Variants in CDIN1 observed in about 807,000 individuals in gnomAD.
CDIN1 encodes CDAN1 interacting nuclease 1, also known as CDAN1-interacting nuclease 1.
A neutral mutation model predicts 45.3 loss-of-function variants in CDIN1; 33 were observed. The observed-to-expected ratio is 0.73, with a 90% CI of 0.55 to 0.97. The LOEUF (loss-of-function observed/expected upper bound fraction) is 0.97. Ranked by LOEUF, CDIN1 falls within the 50% of genes least tolerant of loss-of-function variation. CDIN1 has a pLI of 0.00. For synonymous variants in CDIN1, 118 were observed against 124.4 expected (o/e 0.95, Z 0.34); for missense variants, 303 against 339.4 (o/e 0.89, Z 0.84).
intron 10 of CDIN1, among the ~76,000 whole-genome samples, chr15:36,775,645 T>C (rs2054199736): frequency 6.6e-6 from 1 of 152,214 alleles, no homozygotes; most frequent in African/African-American, 2.4e-5. Context: ...GCCAAAGTCT[T>C]GATCCAATAG....
At chr15:36,788,104 ATATTTTTT>A (rs1198280961) in intron 10 of CDIN1, among the ~76,000 whole-genome samples, 4 of 34,466 alleles carry the variant, frequency 1.2e-4, no homozygotes, top group South Asian at 1.0e-3. Context: ...ATATATATAT[ATATTTTTT>A]TTTTTTTTTT....
At chr15:36,707,795 G>A (rs939971339) in intron 8 of CDIN1, 1 of 152,104 alleles carries the variant, frequency 6.6e-6, no homozygotes, top group Non-Finnish European at 1.5e-5. Flanking sequence ...TCTCATTGTG[G>A]TCAGAGTATA....
At chr15:36,673,659 A>G (rs1279374842) in intron 5 of CDIN1, among the ~76,000 whole-genome samples, 3 of 152,096 alleles carry the variant, frequency 2.0e-5, no homozygotes, top group Non-Finnish European at 4.4e-5. Context: ...TAAATTGTCA[A>G]AACTACTTTG....
intron 7 of CDIN1, among the ~76,000 whole-genome samples, chr15:36,694,788 A>C (rs1057083139): frequency 2.6e-5 from 4 of 152,236 alleles, no homozygotes; most frequent in African/African-American, 9.6e-5. Context: ...TGTGGGTTTC[A>C]TTTCTGTACC....
intron 10 of CDIN1, among the ~76,000 whole-genome samples, chr15:36,712,790 C>G (rs941682032): frequency 2.6e-5 from 4 of 152,062 alleles, no homozygotes; most frequent in Non-Finnish European, 5.9e-5. Flanking sequence ...CATCTCCATC[C>G]CAAGACCCAG....
At chr15:36,774,163 T>TGTGTGTGTGCGC (rs149222188) in intron 10 of CDIN1, among the ~76,000 whole-genome samples, 6 of 143,152 alleles carry the variant, frequency 4.2e-5, no homozygotes, top group East Asian at 2.1e-4. Context: ...TGTGTGTGTG[T>TGTGTGTGTGCGC]GCGCGCGCGC....
At chr15:36,777,819 C>A (rs1020392388) in intron 10 of CDIN1, among the ~76,000 whole-genome samples, 31 of 152,180 alleles carry the variant, frequency 2.0e-4, no homozygotes, top group Non-Finnish European at 1.6e-4. Context: ...CCATGTTGCA[C>A]AGGCTGGTCT....
intron 8 of CDIN1, among the ~76,000 whole-genome samples, chr15:36,703,498 C>T (rs1221499292): frequency 7.4e-6 from 1 of 135,002 alleles, no homozygotes; most frequent in Admixed American, 7.7e-5. Context: ...GGTCACATTA[C>T]TGCCCACTCA....
chr15:36,625,725 T>A (rs1012701099), intron 1 of CDIN1, among the ~76,000 whole-genome samples: 7 of 152,182 alleles, frequency 4.6e-5, no homozygotes, highest in Admixed American at 3.3e-4. Flanking sequence ...GAAGAATTAG[T>A]TAGCTAGCTG....
intron 10 of CDIN1, among the ~76,000 whole-genome samples, chr15:36,729,322 C>T (rs138722889): frequency 6.6e-6 from 1 of 152,124 alleles, no homozygotes; most frequent in African/African-American, 2.4e-5. Flanking sequence ...TAAGAGCTAT[C>T]ACTGAGAATT....
intron 5 of CDIN1, among the ~76,000 whole-genome samples, chr15:36,677,437 T>C (rs1007048928): frequency 3.9e-5 from 6 of 152,178 alleles, no homozygotes; most frequent in Non-Finnish European, 8.8e-5. Flanking sequence ...CCTTGTAGCC[T>C]CACCACCAAT....
chr15:36,697,912 T>A (rs1458368622), intron 8 of CDIN1, among the ~76,000 whole-genome samples: 1 of 152,188 alleles, frequency 6.6e-6, no homozygotes. Context: ...TATTACAGAT[T>A]ATTTCTTTCA....
At chr15:36,743,370 G>A (rs1163003409) in intron 10 of CDIN1, among the ~76,000 whole-genome samples, 1 of 152,126 alleles carries the variant, frequency 6.6e-6, no homozygotes, top group Non-Finnish European at 1.5e-5. Flanking sequence ...AACATAACCT[G>A]CTACCTGTAC....
rs1239214484 is a variant in CDIN1 at position 36,592,698 on chromosome 15, G to A, written c.101+12737G>A. 4.6e-5 allele frequency among the ~76,000 whole-genome samples: 7 copies of A among 151,998 alleles called. No individual in the cohort carries two copies. In the East Asian group the frequency reaches 1.2e-3, roughly 25 times the overall value. On this transcript the variant is annotated intron_variant, in intron 1 of 10. Transcript: ENST00000566621. ...AGGAGGAGTACCTAGTATATTGTAAGTATTATGGTACATTCATAATGGACA... is the reference window on the plus strand; with the variant it reads ...AGGAGGAGTACCTAGTATATTGTAAATATTATGGTACATTCATAATGGACA...
At chr15:36,619,154 GAGC>G (rs1164207318) in intron 1 of CDIN1, 1 of 1,143,344 alleles carries the variant, frequency 8.7e-7, no homozygotes, top group Non-Finnish European at 1.3e-6. Context: ...ATTCCCAGGG[GAGC>G]AGCTGGAAAA....
At chr15:36,617,575 A>G (rs1189579052) in intron 1 of CDIN1, 1 of 787,516 alleles carries the variant, frequency 1.3e-6, no homozygotes, top group African/African-American at 1.7e-5. Flanking sequence ...CATGGAAGAA[A>G]TAAAAAAGTT....
chr15:36,649,837 C>G (rs1256078003), intron 3 of CDIN1, among the ~76,000 whole-genome samples: 2 of 152,206 alleles, frequency 1.3e-5, no homozygotes, highest in Non-Finnish European at 2.9e-5. Flanking sequence ...ATTTTACATA[C>G]TTACATACAC....
At chr15:36,729,151 T>C (rs924124424) in intron 10 of CDIN1, among the ~76,000 whole-genome samples, 1 of 152,214 alleles carries the variant, frequency 6.6e-6, no homozygotes, top group Non-Finnish European at 1.5e-5. Flanking sequence ...TAGACTTTTT[T>C]CTCTTTATTT....
intron 10 of CDIN1, among the ~76,000 whole-genome samples, chr15:36,749,986 G>A (rs947360883): frequency 3.3e-5 from 5 of 152,106 alleles, no homozygotes; most frequent in Non-Finnish European, 5.9e-5. Flanking sequence ...TTGTGTTGCC[G>A]TAATGAAAAT....
Sources: gnomAD v4.1 joint callset for allele counts (sites outside exome capture counted in the v4.1 genomes callset) on GRCh38, gnomAD v4.1.1 for gene constraint, MANE v1.5 for transcripts, NCBI Gene and HGNC (gene_info 2026-07-23, HGNC 2026-07-21) for gene names.